FOXP2: variants seen among roughly 807,000 people sequenced by gnomAD.
FOXP2 encodes the protein forkhead box P2.
A neutral mutation model predicts 115.8 loss-of-function variants in FOXP2; 12 were observed. That is an observed-to-expected ratio of 0.10 (90% confidence interval 0.07 to 0.17). The LOEUF (loss-of-function observed/expected upper bound fraction) is 0.17, where lower values mean the gene tolerates loss of function less well. FOXP2 is among the 10% of genes least tolerant of loss of function. The pLI, the probability that FOXP2 is intolerant of heterozygous loss-of-function variation, is 1.00. For synonymous variants in FOXP2, 328 were observed against 297.7 expected (o/e 1.10, Z -1.05); for missense variants, 629 against 843.5 (o/e 0.75, Z 3.15).
At chr7:114,305,458 AAC>A (rs535287940) in intron 2 of FOXP2, among the ~76,000 whole-genome samples, 4 of 152,170 alleles carry the variant, frequency 2.6e-5, no homozygotes, top group Non-Finnish European at 5.9e-5. Flanking sequence ...AAAATTCTGT[AAC>A]AGAGAAATAC....
At chr7:114,352,061 A>C (rs1791504645) in intron 2 of FOXP2, among the ~76,000 whole-genome samples, 3 of 151,936 alleles carry the variant, frequency 2.0e-5, no homozygotes, top group African/African-American at 7.3e-5. Flanking sequence ...TGAGTCCAGG[A>C]GTTCAAGACC....
chr7:114,176,302 C>CTTTCTTTCTT (rs1562992950), intron 1 of FOXP2, among the ~76,000 whole-genome samples: 1 of 91,316 alleles, frequency 1.1e-5, no homozygotes, highest in African/African-American at 9.2e-5. Flanking sequence ...CTTTCTTTCT[C>CTTTCTTTCTT]TCTCTCTCTC....
At chr7:114,303,726 G>T (rs1234645010) in intron 2 of FOXP2, among the ~76,000 whole-genome samples, 1 of 152,026 alleles carries the variant, frequency 6.6e-6, no homozygotes, top group East Asian at 1.9e-4. Flanking sequence ...AACTTTTGGG[G>T]CAAGTTAACT....
intron 1 of FOXP2, among the ~76,000 whole-genome samples, chr7:114,197,450 T>C (rs1263587159): frequency 1.3e-5 from 2 of 152,316 alleles, no homozygotes; most frequent in East Asian, 3.9e-4. Flanking sequence ...TTGAGGGCTC[T>C]GTGTCTCTTT....
chr7:114,180,034 C>T lies in FOXP2; in HGVS notation c.-102+16946C>T, dbSNP rs1366149282. ...GATTACCTGAAAAACTTTGAGGATC[C>T]ATGCTAGACCATGTAGTACATAACA... On this transcript the variant is annotated intron_variant, in intron 1 of 17. Coordinates refer to the FOXP2 transcript ENST00000634411. 2.0e-5 allele frequency among the ~76,000 whole-genome samples: 3 copies of T among 152,044 alleles called. No individual in the cohort carries two copies. In the South Asian group the frequency reaches 6.2e-4, roughly 32 times the overall value.
chr7:114,658,592 T>C (rs1175493446), intron 11 of FOXP2, among the ~76,000 whole-genome samples: 2 of 152,166 alleles, frequency 1.3e-5, no homozygotes, highest in African/African-American at 4.8e-5. Context: ...TGAGTAATGC[T>C]GTAGAGAAGA....
intron 1 of FOXP2, among the ~76,000 whole-genome samples, chr7:114,129,475 G>A (rs1400022393): frequency 6.6e-6 from 1 of 151,992 alleles, no homozygotes; most frequent in Non-Finnish European, 1.5e-5. Flanking sequence ...CATATAGCAG[G>A]TCTTATTTGG....
chr7:114,403,519 A>G (rs551242195), intron 2 of FOXP2, among the ~76,000 whole-genome samples: 4 of 152,282 alleles, frequency 2.6e-5, no homozygotes, highest in African/African-American at 7.2e-5. Flanking sequence ...TTTTGCATCT[A>G]CAGGAGACTC....
intron 3 of FOXP2, among the ~76,000 whole-genome samples, chr7:114,615,837 C>T (rs932713766): frequency 6.6e-6 from 1 of 152,128 alleles, no homozygotes; most frequent in Admixed American, 6.5e-5. Context: ...CTTGTTCTCC[C>T]TTAGTTTGGA....
intron 3 of FOXP2, among the ~76,000 whole-genome samples, chr7:114,546,190 G>C (rs1480106362): frequency 6.6e-6 from 1 of 152,148 alleles, no homozygotes; most frequent in East Asian, 1.9e-4. Flanking sequence ...ATGTTACAAA[G>C]TGAAGTTATT....
upstream of FOXP2, among the ~76,000 whole-genome samples, chr7:114,162,712 G>T (rs1192596156): frequency 6.6e-6 from 1 of 151,864 alleles, no homozygotes; most frequent in Non-Finnish European, 1.5e-5. Flanking sequence ...ATTTTCTCTT[G>T]CTATGCTGCT....
At chr7:114,548,049 G>A (rs1173259788) in intron 3 of FOXP2, among the ~76,000 whole-genome samples, 1 of 152,210 alleles carries the variant, frequency 6.6e-6, no homozygotes, top group Non-Finnish European at 1.5e-5. Flanking sequence ...GGATGAGACA[G>A]AGGACCAAGG....
intron 2 of FOXP2, among the ~76,000 whole-genome samples, chr7:114,481,798 A>G (rs555663181): frequency 6.7e-6 from 1 of 150,208 alleles, no homozygotes; most frequent in African/African-American, 2.4e-5. Flanking sequence ...CTATCTATCT[A>G]TCTATCTATC....
At chr7:114,216,017 A>G (rs954692071) in intron 1 of FOXP2, among the ~76,000 whole-genome samples, 1 of 152,166 alleles carries the variant, frequency 6.6e-6, no homozygotes. Flanking sequence ...GGCATTCACA[A>G]TCCTCTATCA....
At chr7:114,385,663 G>A (rs1292833211) in intron 2 of FOXP2, among the ~76,000 whole-genome samples, 2 of 152,142 alleles carry the variant, frequency 1.3e-5, no homozygotes, top group Admixed American at 6.6e-5. Context: ...TTTTTAACTG[G>A]CCAACAGATG....
chr7:114,094,252 T>C (rs761438043), intron 1 of FOXP2, among the ~76,000 whole-genome samples: 172 of 152,334 alleles, frequency 1.1e-3, no homozygotes, highest in Middle Eastern at 3.4e-3. Flanking sequence ...TCCCACTGTT[T>C]AGCTTGCTCA....
At chr7:114,324,122 T>C (rs1316178083) in intron 2 of FOXP2, among the ~76,000 whole-genome samples, 2 of 151,924 alleles carry the variant, frequency 1.3e-5, no homozygotes, top group African/African-American at 4.8e-5. Flanking sequence ...GACCTTTTTT[T>C]CTTTAAATTC....
rs184836532 is a variant in FOXP2, at chr7:114,475,533, G to A, written c.168+48854G>A. 6.6e-5 allele frequency among the ~76,000 whole-genome samples: 10 copies of A among 152,072 alleles called. No homozygotes were observed. The East Asian group carries it at 1.9e-3, about 29-fold the overall frequency. On this transcript the variant is annotated intron_variant, in intron 2 of 16. Transcript: ENST00000350908. Reference sequence around the variant, plus strand: ...ATAGGCCTAGTGGATTTTATGATAGGAGCCCTCTGAACATGACCATAGGAG... The same window carrying A: ...ATAGGCCTAGTGGATTTTATGATAGAAGCCCTCTGAACATGACCATAGGAG...
intron 2 of FOXP2, among the ~76,000 whole-genome samples, chr7:114,363,761 T>C (rs545178671): frequency 2.6e-5 from 4 of 152,254 alleles, no homozygotes; most frequent in African/African-American, 9.6e-5. Context: ...AAGAAATCCC[T>C]GGATTCAGAC....
Sources: gnomAD v4.1 joint callset for allele counts (sites outside exome capture counted in the v4.1 genomes callset) on GRCh38, gnomAD v4.1.1 for gene constraint, MANE v1.5 for transcripts, NCBI Gene and HGNC (gene_info 2026-07-23, HGNC 2026-07-21) for gene names.